ACSM5: variants seen among roughly 807,000 people sequenced by gnomAD.
The protein encoded by ACSM5 is acyl-coenzyme A synthetase ACSM5, mitochondrial.
Under a neutral mutation model 71.6 loss-of-function variants are expected in ACSM5, and 56 were observed. That is an observed-to-expected ratio of 0.78 (90% confidence interval 0.63 to 0.98). The LOEUF is 0.98. Ranked by LOEUF, ACSM5 falls within the 50% of genes least tolerant of loss-of-function variation. The pLI, the probability that ACSM5 is intolerant of heterozygous loss-of-function variation, is 0.00. For synonymous variants in ACSM5, 285 were observed against 281.5 expected, an observed-to-expected ratio of 1.01 and a Z score of -0.12; for missense variants, 723 against 726.0, an observed-to-expected ratio of 1.00 and a Z score of 0.05.
rs549945793 is a variant in ACSM5 at position 20,440,223 on chromosome 16, G to A, written c.1657-121G>A. ...CTGTTTTGCTTCTGGCCATTTAGGG[G>A]GAAACCCTGAATCAGGGACGCTTTC... is the stretch of plus-strand genomic sequence containing the variant. On this transcript the variant is annotated intron_variant, in intron 13 of 13. Coordinates refer to ENST00000331849, the MANE Select transcript of ACSM5 (RefSeq NM_017888.3). 9.2e-6 allele frequency: 7 copies of A among 761,140 alleles called. No homozygotes were observed. The South Asian group carries it at 1.2e-4, about 13-fold the overall frequency. The allele number at this position is 761,140 out of a possible 1,614,324, so 47.1% of individuals were successfully genotyped here. A position where few individuals can be genotyped will look rare whatever the true frequency, so the allele number is the denominator to read the frequency against.
At position 20,431,049 on chromosome 16, in the gene ACSM5, G is replaced by T; in HGVS notation, c.1182G>T (p.Lys394Asn). 6.2e-7 allele frequency: 1 copy of T among 1,613,936 alleles called. No homozygotes were observed. ...AAATCAAGTCTGGATCCATGGGGAA[G>T]GCGTCCCCACCCTACGATGTGCAGG... is the stretch of plus-strand genomic sequence containing the variant. ...GMKIKSGSMG[K>N]ASPPYDVQIV... The change falls in exon 9 of 14, where the codon AAG becomes AAT. Residue 394 changes from lysine (K) to asparagine (N), a missense_variant. By Grantham distance (94) the Lys-to-Asn change is moderately conservative (BLOSUM62 0). Transcript: ENST00000331849.
At chr16:20,414,852 CAG>C (rs1376241206) in intron 2 of ACSM5, among the ~76,000 whole-genome samples, 1 of 151,940 alleles carries the variant, frequency 6.6e-6, no homozygotes, top group Non-Finnish European at 1.5e-5. Context: ...AGGAGTATGA[CAG>C]ATGAGACTGT....
At chr16:20,410,153 G>C in intron 1 of ACSM5, among the ~76,000 whole-genome samples, 1 of 152,120 alleles carries the variant, frequency 6.6e-6, no homozygotes, top group Non-Finnish European at 1.5e-5. Context: ...AAAATGCTTG[G>C]TACACAGTAG....
chr16:20,418,640 T>A lies in ACSM5; in HGVS notation c.415+371T>A, dbSNP rs1034819873. Among the ~76,000 whole-genome samples the A allele has an allele frequency of 3.9e-5, 6 of 152,280 alleles. 1 individual carries two copies. Among genetic ancestry groups the A allele is most frequent in the Admixed American group, 3.3e-4 (5 of 15,300 alleles). On this transcript the variant is annotated intron_variant, in intron 3 of 13. Transcript: ENST00000331849. ...TCTGGATTTTTATGAAAAATCCCCCTGTCTTTTAATGTTGGCATCTATCAT... is the reference window on the plus strand; with the variant it reads ...TCTGGATTTTTATGAAAAATCCCCCAGTCTTTTAATGTTGGCATCTATCAT...
At chr16:20,435,410 A>G (rs1360312884) in intron 10 of ACSM5, among the ~76,000 whole-genome samples, 2 of 152,154 alleles carry the variant, frequency 1.3e-5, no homozygotes, top group African/African-American at 4.8e-5. Context: ...TACACATCTC[A>G]GAGATTTTGT....
chr16:20,413,571 C>A (rs772079567), intron 2 of ACSM5, among the ~76,000 whole-genome samples: 1 of 152,126 alleles, frequency 6.6e-6, no homozygotes, highest in African/African-American at 2.4e-5. Flanking sequence ...GTGGGACAAA[C>A]AATAGATTCA....
intron 2 of ACSM5, among the ~76,000 whole-genome samples, chr16:20,414,542 G>C (rs1158429113): frequency 1.3e-5 from 2 of 152,188 alleles, no homozygotes; most frequent in Non-Finnish European, 2.9e-5. Flanking sequence ...ATTTTGAACT[G>C]TTTATCTCCA....
rs534818668 is a variant in ACSM5 at position 20,440,541 on chromosome 16, G to A, written c.*114G>A. The A allele has an allele frequency of 2.1e-5, 20 of 951,918 alleles. 1 individual carries two copies. Among genetic ancestry groups the A allele is most frequent in the Non-Finnish European group, 5.0e-6 (3 of 605,296 alleles). 59.0% of individuals were successfully genotyped at this position (951,918 alleles called of 1,614,324 possible). On this transcript the variant is annotated 3_prime_UTR_variant, in exon 14 of 14. Transcript: ENST00000331849. Reference sequence around the variant, plus strand: ...CTTCGACCCTAAAGATGTCAAAGGTGTGCAGCTTCCAAACGGCATCCCCAG... The same window carrying A: ...CTTCGACCCTAAAGATGTCAAAGGTATGCAGCTTCCAAACGGCATCCCCAG...
chr16:20,436,312 C>G (rs1033550600), intron 10 of ACSM5, among the ~76,000 whole-genome samples: 1 of 147,336 alleles, frequency 6.8e-6, no homozygotes, highest in African/African-American at 2.5e-5. Flanking sequence ...GAAGTCTTGC[C>G]CTGTAGCCCA....
At chr16:20,424,726 T>C (rs578237279) in intron 6 of ACSM5, among the ~76,000 whole-genome samples, 9 of 152,350 alleles carry the variant, frequency 5.9e-5, no homozygotes, top group African/African-American at 2.2e-4. Flanking sequence ...GGAAGCTGCT[T>C]AATCTCCTGA....
rs542345418 is a variant in ACSM5, at chr16:20,421,397, G to T, written c.763G>T (p.Gly255Ter). The change falls in exon 5 of 14, where the codon GGA becomes TGA. Residue 255 changes from glycine to a stop codon, truncating the protein, a stop_gained. Transcript: ENST00000331849. LOFTEE classifies it high-confidence loss of function. ...SSYGLGFVAS[G>*]RRWVALTESD... ...CTACGGACTGGGTTTTGTGGCCAGC[G>T]GAAGGTACCAGAGCAGCTTGTCTAG... 3 of 1,596,892 alleles carry T rather than the reference G, an allele frequency of 1.9e-6. No homozygotes were observed. The South Asian group carries it at 3.4e-5, about 18-fold the overall frequency.
At chr16:20,430,290 C>A (rs1240185199) in intron 8 of ACSM5, among the ~76,000 whole-genome samples, 1 of 151,594 alleles carries the variant, frequency 6.6e-6, no homozygotes, top group Non-Finnish European at 1.5e-5. Flanking sequence ...TATACCATGA[C>A]CAGCAAACCA....
chr16:20,436,035 T>TCTTTC (rs1567348073), intron 10 of ACSM5, among the ~76,000 whole-genome samples: 1,236 of 52,434 alleles, frequency 0.024, 26 homozygotes, highest in African/African-American at 0.11. Flanking sequence ...TTCTTTCTTT[T>TCTTTC]TCTTTCTTTC....
chr16:20,423,278 C>A (rs1966914244), intron 5 of ACSM5, among the ~76,000 whole-genome samples: 2 of 152,154 alleles, frequency 1.3e-5, no homozygotes, highest in African/African-American at 4.8e-5. Context: ...TGCGCGTGTC[C>A]CAGGATTCAA....
At chr16:20,439,002 T>G in intron 12 of ACSM5, among the ~76,000 whole-genome samples, 1 of 146,286 alleles carries the variant, frequency 6.8e-6, no homozygotes, top group Non-Finnish European at 1.5e-5. Context: ...GTTTCGTAGT[T>G]ACAGTAGTAA....
intron 2 of ACSM5, among the ~76,000 whole-genome samples, chr16:20,416,120 G>A (rs189575894): frequency 4.1e-4 from 63 of 152,046 alleles, no homozygotes; most frequent in African/African-American, 1.4e-3. Context: ...CATGCTCATG[G>A]ATTAAAAGAA....
chr16:20,435,262 A>G (rs1225889699), intron 10 of ACSM5, among the ~76,000 whole-genome samples: 1 of 152,066 alleles, frequency 6.6e-6, no homozygotes, highest in African/African-American at 2.4e-5. Flanking sequence ...TGAACTTCTG[A>G]CCTCAGGTGA....
intron 8 of ACSM5, among the ~76,000 whole-genome samples, chr16:20,430,234 C>T (rs76205598): frequency 0.092 from 13,065 of 142,322 alleles, 697 homozygotes; most frequent in East Asian, 0.21. Context: ...CACACACACA[C>T]ACTACTTATA....
At chr16:20,428,164 C>T (rs994405313) in intron 7 of ACSM5, among the ~76,000 whole-genome samples, 1 of 152,154 alleles carries the variant, frequency 6.6e-6, no homozygotes, top group Non-Finnish European at 1.5e-5. Context: ...ATTTTAGCAC[C>T]TGAGATAGGC....
Sources: gnomAD v4.1 joint callset for allele counts (sites outside exome capture counted in the v4.1 genomes callset) on GRCh38, gnomAD v4.1.1 for gene constraint, MANE v1.5 for transcripts, NCBI Gene and HGNC (gene_info 2026-07-23, HGNC 2026-07-21) for gene names.